The following SLC7A11 variants were observed in gnomAD, a reference collection of about 807,000 sequenced individuals.
SLC7A11 encodes the protein cystine/glutamate transporter.
In SLC7A11, 35 loss-of-function variants were observed where a neutral mutation model predicts 54.5. The ratio of observed to expected loss-of-function variants is 0.64; its 90% CI spans 0.49 to 0.85. The LOEUF is 0.85. Ranked by LOEUF, SLC7A11 falls within the 40% of genes least tolerant of loss-of-function variation. The pLI is 0.00. For synonymous variants in SLC7A11, 230 were observed against 225.2 expected, an observed-to-expected ratio of 1.02 and a Z score of -0.19; for missense variants, 583 against 618.1, an observed-to-expected ratio of 0.94 and a Z score of 0.60.
intron 11 of SLC7A11, among the ~76,000 whole-genome samples, chr4:138,172,607 G>C (rs1176845740): frequency 1.3e-5 from 2 of 152,132 alleles, no homozygotes; most frequent in East Asian, 3.9e-4. Flanking sequence ...CTCGATCCTA[G>C]ACCTACTCAA....
intron 2 of SLC7A11, among the ~76,000 whole-genome samples, chr4:138,233,170 T>G (rs1346901721): frequency 6.6e-6 from 1 of 150,486 alleles, no homozygotes; most frequent in African/African-American, 2.4e-5. Flanking sequence ...CATGCAAGTC[T>G]GTGCAATTAT....
chr4:138,232,512 C>T lies in SLC7A11; in HGVS notation c.405-130G>A, dbSNP rs117614043. The T allele has an allele frequency of 4.3e-4, 271 of 624,876 alleles. 1 individual carries two copies. The East Asian group carries it at 6.0e-3, about 14-fold the overall frequency. The allele number at this position is 624,876 out of a possible 1,614,324, so 38.7% of individuals were successfully genotyped here. On this transcript the variant is annotated intron_variant, in intron 2 of 11. Coordinates refer to ENST00000280612, the MANE Select transcript of SLC7A11 (RefSeq NM_014331.4). ...TGAAAGTCCATAGTTTTCAGAATTCCGTACTTGATTAGGTTGCCATAGACA... is the reference window on the plus strand; with the variant it reads ...TGAAAGTCCATAGTTTTCAGAATTCTGTACTTGATTAGGTTGCCATAGACA...
At chr4:138,219,217 T>C (rs1260617098) in intron 5 of SLC7A11, 49 bp downstream of exon 5, 2 of 1,035,730 alleles carry the variant, frequency 1.9e-6, no homozygotes, top group Non-Finnish European at 3.0e-6. Context: ...GAGTGCATAA[T>C]GGGATTAATG....
chr4:138,187,627 T>A (rs1736910017), intron 6 of SLC7A11, among the ~76,000 whole-genome samples: 1 of 152,148 alleles, frequency 6.6e-6, no homozygotes, highest in South Asian at 2.1e-4. Flanking sequence ...TAATATAAAG[T>A]TTATTAGAGC....
intron 1 of SLC7A11, among the ~76,000 whole-genome samples, chr4:138,239,889 T>C (rs1227351631): frequency 6.6e-6 from 1 of 152,242 alleles, no homozygotes; most frequent in African/African-American, 2.4e-5. Flanking sequence ...GTTGTGGTTT[T>C]TCTGATTAGA....
chr4:138,170,248 G>GTA lies in SLC7A11; in HGVS notation c.*1707_*1708insTA, dbSNP rs1335104620. The GTA allele has an allele frequency of 0.029, 2,574 of 88,864 alleles. 52 individuals are homozygous for GTA. The highest frequency in any genetic ancestry group is 0.087 in the South Asian group (173 of 1,978). The allele number at this position is 88,864 out of a possible 1,614,324, so 5.5% of individuals were successfully genotyped here. A position where few individuals can be genotyped will look rare whatever the true frequency, so the allele number is the denominator to read the frequency against. On this transcript the variant is annotated 3_prime_UTR_variant, in exon 12 of 12. Coordinates refer to ENST00000280612, the MANE Select transcript of SLC7A11 (RefSeq NM_014331.4). ...ATATATAAAAAGTGTGTGTGTGTGT[G>GTA]TGTATATATATATATATATATATAC...
chr4:138,224,618 A>G (rs1737892917), intron 3 of SLC7A11, among the ~76,000 whole-genome samples: 1 of 152,166 alleles, frequency 6.6e-6, no homozygotes, highest in African/African-American at 2.4e-5. Context: ...AAATGGAAAT[A>G]GCCTAAACCT....
intron 7 of SLC7A11, among the ~76,000 whole-genome samples, chr4:138,183,942 T>C (rs1197251559): frequency 6.6e-6 from 1 of 152,126 alleles, no homozygotes; most frequent in Non-Finnish European, 1.5e-5. Context: ...CAAATATAAG[T>C]CCGATAAGCC....
chr4:138,195,644 A>C (rs1023618823), intron 6 of SLC7A11, among the ~76,000 whole-genome samples: 4 of 152,158 alleles, frequency 2.6e-5, no homozygotes, highest in African/African-American at 9.7e-5. Flanking sequence ...TAGGTCTCCC[A>C]CCCTGGGTCT....
chr4:138,225,996 C>G (rs548125289), intron 3 of SLC7A11, among the ~76,000 whole-genome samples: 57 of 152,102 alleles, frequency 3.7e-4, no homozygotes, highest in Middle Eastern at 3.4e-3. Flanking sequence ...GGTTTTGTTA[C>G]TTTCATAAAG....
chr4:138,192,097 C>T lies in SLC7A11; in HGVS notation c.792-6853G>A, dbSNP rs888417815. On this transcript the variant is annotated intron_variant, in intron 6 of 11. Transcript: ENST00000280612. The stretch of plus-strand genomic sequence containing the variant: ...TAAGATAATGCAACATTTCGGTAAA[C>T]GATTTTTATAATAGTGTTTCTAAGA... 3.9e-5 allele frequency among the ~76,000 whole-genome samples: 6 copies of T among 152,154 alleles called. No individual in the cohort carries two copies. The Middle Eastern group carries it at 0.01, about 259-fold the overall frequency.
chr4:138,195,518 G>A (rs1024561241), intron 6 of SLC7A11, among the ~76,000 whole-genome samples: 3 of 151,938 alleles, frequency 2.0e-5, no homozygotes, highest in Non-Finnish European at 2.9e-5. Context: ...AACAGAACAA[G>A]ACATGGAGGA....
At chr4:138,221,352 C>T (rs1737808653) in intron 4 of SLC7A11, among the ~76,000 whole-genome samples, 2 of 152,152 alleles carry the variant, frequency 1.3e-5, no homozygotes, top group African/African-American at 2.4e-5. Context: ...CAACTACTTT[C>T]AGGATATGAT....
chr4:138,222,156 G>A lies in SLC7A11; in HGVS notation c.646+1043C>T, dbSNP rs530446790. On this transcript the variant is annotated intron_variant, in intron 4 of 11. Transcript: ENST00000280612. ...TGCTGGATTTCATAAAAGCATTTCCGCCAGCAGGGCTCTAAAATCTCCCAC... is the reference window on the plus strand; with the variant it reads ...TGCTGGATTTCATAAAAGCATTTCCACCAGCAGGGCTCTAAAATCTCCCAC... 7.9e-5 allele frequency among the ~76,000 whole-genome samples: 12 copies of A among 152,242 alleles called. No individual in the cohort carries two copies. The South Asian group carries it at 1.2e-3, about 16-fold the overall frequency.
In SLC7A11 at chr4:138,179,094, A is replaced by G. The variant is rs146753035; in HGVS notation, c.1444+123T>C. Reference sequence around the variant, plus strand: ...AAAAAGCAGTTCCAATTAAAATGCCATAATGTTCTCAAATCAATTGTGCCA... The same window carrying G: ...AAAAAGCAGTTCCAATTAAAATGCCGTAATGTTCTCAAATCAATTGTGCCA... On this transcript the variant is annotated intron_variant, in intron 11 of 11. Transcript: ENST00000280612. 135 of 662,616 alleles carry G rather than the reference A, an allele frequency of 2.0e-4. No homozygotes were observed. The African/African-American group carries it at 2.2e-3, about 11-fold the overall frequency. 41.0% of individuals were successfully genotyped at this position (662,616 alleles called of 1,614,324 possible).
chr4:138,211,751 G>A (rs7663737), intron 6 of SLC7A11, among the ~76,000 whole-genome samples: 61,348 of 151,582 alleles, frequency 0.4, 13,297 homozygotes, highest in Middle Eastern at 0.61. Flanking sequence ...GATTAACCTG[G>A]AGGACATTAT....
At position 138,198,932 on chromosome 4, in the gene SLC7A11, G is replaced by A. The variant is rs140942342; in HGVS notation, c.792-13688C>T. Among the ~76,000 whole-genome samples the A allele has an allele frequency of 7.7e-3, 1,170 of 152,136 alleles. 19 individuals are homozygous for A. Among genetic ancestry groups the A allele is most frequent in the African/African-American group, 0.027 (1,103 of 41,522 alleles). On this transcript the variant is annotated intron_variant, in intron 6 of 11. Transcript: ENST00000280612. The stretch of plus-strand genomic sequence containing the variant: ...TAATAAAATGACATGAAATGAAGAC[G>A]GTGAGACAGATCTATAGCACATAAG...
chr4:138,233,746 A>C (rs796250276), intron 2 of SLC7A11, among the ~76,000 whole-genome samples: 4 of 152,218 alleles, frequency 2.6e-5, no homozygotes, highest in African/African-American at 9.6e-5. Context: ...TTAAAATCTG[A>C]TTATGTCATT....
At chr4:138,187,151 C>A (rs1164848284) in intron 6 of SLC7A11, among the ~76,000 whole-genome samples, 1 of 152,088 alleles carries the variant, frequency 6.6e-6, no homozygotes, top group Non-Finnish European at 1.5e-5. Context: ...CCTTCCCAGT[C>A]CAGCTCCTCC....
Sources: allele counts gnomAD v4.1 joint callset (sites outside exome capture counted in the v4.1 genomes callset), GRCh38; gene constraint gnomAD v4.1.1; transcripts MANE v1.5; gene names NCBI Gene and HGNC (gene_info 2026-07-23, HGNC 2026-07-21).